The following SDK1 variants were observed in gnomAD, a reference collection of about 807,000 sequenced individuals.
SDK1 encodes sidekick cell adhesion molecule 1.
Under a neutral mutation model 245.5 loss-of-function variants are expected in SDK1, and 157 were observed. The ratio of observed to expected loss-of-function variants is 0.64; its 90% CI spans 0.56 to 0.73. The LOEUF (loss-of-function observed/expected upper bound fraction) is 0.73. Among genes scored for constraint, SDK1 ranks in the 30% least tolerant of loss-of-function variants. The probability of loss-of-function intolerance (pLI) is 0.00; values close to 1 mark genes in which losing one functional copy is unlikely to be tolerated. For missense variants in SDK1, 3,583 were observed against 3,002.3 expected (o/e 1.19, Z -4.52); for synonymous variants, 1,647 against 1,278.5 (o/e 1.29, Z -6.15).
chr7:3,354,971 G>A (rs961124793), intron 1 of SDK1, among the ~76,000 whole-genome samples: 2 of 152,156 alleles, frequency 1.3e-5, no homozygotes, highest in African/African-American at 2.4e-5. Flanking sequence ...ACTTTCTTGT[G>A]TCTGTGGGGA....
chr7:4,129,384 A>G (rs1279321895), intron 26 of SDK1, among the ~76,000 whole-genome samples: 1 of 108,280 alleles, frequency 9.2e-6, no homozygotes, highest in Non-Finnish European at 2.0e-5. Context: ...GGAATAGAGC[A>G]GCTTGGGGTG....
rs957782276 is a variant in SDK1, at chr7:3,793,488, C to T, written c.714-27962C>T. On this transcript the variant is annotated intron_variant, in intron 4 of 44. Transcript: ENST00000404826. ...GCTTTCAGCTCATGAAAGGCTTCCT[C>T]GTGCCTTAGATAGTCTTCAGGTTTC... is the stretch of plus-strand genomic sequence containing the variant. Among the ~76,000 whole-genome samples the T allele has an allele frequency of 4.6e-5, 7 of 152,230 alleles. No homozygotes were observed. In the East Asian group the frequency reaches 1.2e-3, roughly 25 times the overall value.
intron 1 of SDK1, among the ~76,000 whole-genome samples, chr7:3,345,352 A>G (rs1780464777): frequency 6.6e-6 from 1 of 152,234 alleles, no homozygotes; most frequent in Non-Finnish European, 1.5e-5. Context: ...AAAGAGACTG[A>G]ACTAACCTTT....
In SDK1 at chr7:4,251,042, G is replaced by A. The variant is rs542528696; in HGVS notation, c.6381+5237G>A. Among the ~76,000 whole-genome samples, 6 of 152,266 alleles carry A rather than the reference G, an allele frequency of 3.9e-5. No homozygotes were observed. The East Asian group carries it at 1.2e-3, about 29-fold the overall frequency. ...ACAGACTCATGCAATATGTGGTTTTGTGATTGGCTTATTTCATTCAGCATA... is the reference window on the plus strand; with the variant it reads ...ACAGACTCATGCAATATGTGGTTTTATGATTGGCTTATTTCATTCAGCATA... On this transcript the variant is annotated intron_variant, in intron 44 of 44. Transcript: ENST00000404826.
At chr7:3,969,224 T>A in intron 10 of SDK1, 33 bp from the exon 11 acceptor site, 1 of 1,536,414 alleles carries the variant, frequency 6.5e-7, no homozygotes, top group Non-Finnish European at 8.8e-7. Flanking sequence ...GCGTTACGAC[T>A]GTAACATGCC....
chr7:4,147,337 A>G (rs1780049060), intron 29 of SDK1, among the ~76,000 whole-genome samples: 1 of 151,954 alleles, frequency 6.6e-6, no homozygotes, highest in South Asian at 2.1e-4. Flanking sequence ...CACACCACCC[A>G]GCTAATTATG....
intron 1 of SDK1, among the ~76,000 whole-genome samples, chr7:3,474,151 G>A (rs529843703): frequency 1.4e-5 from 2 of 141,542 alleles, no homozygotes; most frequent in East Asian, 4.2e-4. Context: ...TGCCCAGGCT[G>A]GGGCGCGGTG....
chr7:4,231,023 C>T (rs899251745), intron 40 of SDK1, among the ~76,000 whole-genome samples: 2 of 152,124 alleles, frequency 1.3e-5, no homozygotes, highest in Non-Finnish European at 2.9e-5. Context: ...GAGGGGGCAA[C>T]AGTTCTCCAG....
Position 4,251,084 on chromosome 7 carries a change from T to A in SDK1, c.6381+5279T>A, listed in dbSNP as rs147276967. 1.6e-3 allele frequency among the ~76,000 whole-genome samples: 251 copies of A among 152,340 alleles called. 5 individuals are homozygous for A. Among genetic ancestry groups the A allele is most frequent in the African/African-American group, 5.7e-3 (238 of 41,584 alleles). ...TTCAGCATAATGTTTTCAGAGTTCA[T>A]CAGGGTCACTGATATATGTTGTAGC... On this transcript the variant is annotated intron_variant, in intron 44 of 44. Transcript: ENST00000404826.
chr7:3,744,315 T>G (rs894896619), intron 4 of SDK1, among the ~76,000 whole-genome samples: 2 of 152,142 alleles, frequency 1.3e-5, no homozygotes, highest in Non-Finnish European at 2.9e-5. Flanking sequence ...CTACCTTTCT[T>G]TCCATATATA....
At chr7:3,528,400 C>G (rs988614076) in intron 1 of SDK1, among the ~76,000 whole-genome samples, 8 of 151,754 alleles carry the variant, frequency 5.3e-5, no homozygotes, top group Admixed American at 3.3e-4. Flanking sequence ...GGAGGTGAGC[C>G]TGGAAAGGTA....
intron 2 of SDK1, among the ~76,000 whole-genome samples, chr7:3,630,272 A>C (rs1454477076): frequency 6.6e-6 from 1 of 152,264 alleles, no homozygotes; most frequent in Admixed American, 6.5e-5. Context: ...CAATAAGGCA[A>C]GAAAAAGAAA....
chr7:3,653,094 G>C (rs141351851), intron 4 of SDK1, among the ~76,000 whole-genome samples: 1 of 152,196 alleles, frequency 6.6e-6, no homozygotes, highest in South Asian at 2.1e-4. Flanking sequence ...GAGAAAAGTC[G>C]CAGGCTTAAA....
chr7:4,104,762 G>A (rs1782794080), intron 22 of SDK1, among the ~76,000 whole-genome samples: 1 of 152,100 alleles, frequency 6.6e-6, no homozygotes, highest in South Asian at 2.1e-4. Flanking sequence ...GGAGTGCAGT[G>A]GTGTGATCAT....
intron 4 of SDK1, among the ~76,000 whole-genome samples, chr7:3,696,475 C>T (rs1302520483): frequency 6.6e-6 from 1 of 152,046 alleles, no homozygotes; most frequent in East Asian, 1.9e-4. Flanking sequence ...CTCACTAATT[C>T]CTATATAATC....
intron 1 of SDK1, among the ~76,000 whole-genome samples, chr7:3,418,998 T>G (rs570174584): frequency 2.0e-5 from 3 of 152,224 alleles, no homozygotes; most frequent in Admixed American, 6.5e-5. Flanking sequence ...ACAAAGAATG[T>G]TATATCAAAA....
intron 5 of SDK1, among the ~76,000 whole-genome samples, chr7:3,838,778 T>C (rs1048191656): frequency 2.0e-4 from 30 of 152,180 alleles, no homozygotes; most frequent in African/African-American, 7.0e-4. Context: ...GACCATGCAG[T>C]GGGTGTCGAT....
At chr7:3,598,572 C>G (rs1227398063) in intron 1 of SDK1, among the ~76,000 whole-genome samples, 1 of 152,198 alleles carries the variant, frequency 6.6e-6, no homozygotes, top group Non-Finnish European at 1.5e-5. Flanking sequence ...TCTGTCAGCA[C>G]AAGATCCCTG....
intron 5 of SDK1, among the ~76,000 whole-genome samples, chr7:3,891,869 C>G (rs1781468049): frequency 6.6e-6 from 1 of 152,156 alleles, no homozygotes; most frequent in Non-Finnish European, 1.5e-5. Context: ...TCTTCCCTTT[C>G]AATTGTATTT....
Sources: gnomAD v4.1 joint callset for allele counts (sites outside exome capture counted in the v4.1 genomes callset) on GRCh38, gnomAD v4.1.1 for gene constraint, MANE v1.5 for transcripts, NCBI Gene and HGNC (gene_info 2026-07-23, HGNC 2026-07-21) for gene names.